Variants in DUOX2 observed in about 807,000 individuals in gnomAD.
The protein encoded by DUOX2 is dual oxidase 2.
In DUOX2, 185 loss-of-function variants were observed where a neutral mutation model predicts 183.3. The observed-to-expected ratio is 1.01, with a 90% CI of 0.90 to 1.14. DUOX2 has a LOEUF of 1.14. Ranked by LOEUF, DUOX2 falls within the 50% of genes most tolerant of loss-of-function variation. The pLI, the probability that DUOX2 is intolerant of heterozygous loss-of-function variation, is 0.00. For synonymous variants in DUOX2, 788 were observed against 812.4 expected (o/e 0.97, Z 0.51); for missense variants, 1,999 against 2,022.9 (o/e 0.99, Z 0.23).
chr15:45,095,892 C>T lies in DUOX2; in HGVS notation c.4016G>A (p.Trp1339Ter). ...GTAGATCTCCCTGAGGCGAGTGGTC[C>T]AGGGCCCCACTGCCCGGATGTGCAG... ...LSLHIRAVGP[W>*]TTRLREIYSS... The change falls in exon 30 of 34, where the codon TGG becomes TAG. Residue 1339 changes from tryptophan (W) to a stop codon, truncating the protein, a stop_gained. Transcript: ENST00000389039. LOFTEE classifies it high-confidence loss of function. The T allele has an allele frequency of 1.9e-6, 3 of 1,611,980 alleles. No homozygotes were observed. The highest frequency in any genetic ancestry group is 2.5e-6 in the Non-Finnish European group (3 of 1,179,264).
chr15:45,108,970 C>T lies in DUOX2; in HGVS notation c.1235-18G>A, dbSNP rs1001939446. On this transcript the variant is annotated intron_variant, in intron 11 of 33. Transcript: ENST00000389039. ...CCAGTAATCTGAAGAGGAGAGAAGA[C>T]TAGACTATGGGCTTTGTCCTCTCCA... The T allele has an allele frequency of 2.5e-6, 4 of 1,613,906 alleles. No homozygotes were observed. Among genetic ancestry groups the T allele is most frequent in the African/African-American group, 2.7e-5 (2 of 74,928 alleles).
chr15:45,095,289 C>T, intron 31 of DUOX2, 148 bp downstream of exon 31: 1 of 1,425,470 alleles, frequency 7.0e-7, no homozygotes, highest in South Asian at 1.2e-5. Flanking sequence ...AACCTCCCTC[C>T]AAGTTTGGCA....
At position 45,111,456 on chromosome 15, in the gene DUOX2, A is replaced by C. The variant is rs1450585945; in HGVS notation, c.643T>G (p.Ser215Ala). The C allele has an allele frequency of 3.2e-6, 5 of 1,548,880 alleles. No individual in the cohort carries two copies. The highest frequency in any genetic ancestry group is 4.3e-6 in the Non-Finnish European group (5 of 1,149,754). ...SGPDPAFPRD[S>A]QNPLLMWAAP... The stretch of plus-strand genomic sequence containing the variant: ...GCCCACATGAGCAGGGGGTTCTGCG[A>C]GTCTCGGGGGAAAGCGGGGTCGGGC... Residue 215 changes from serine (S) to alanine (A), a missense_variant, in exon 6 of 34, where the codon TCG becomes GCG. Around this residue, in one of 3 missense-constraint regions of DUOX2, gnomAD observed 356 missense variants for 356.4 expected, o/e 1.00. Transcript: ENST00000389039.
rs780926211 is a variant in DUOX2 at position 45,111,418 on chromosome 15, G to A, written c.681C>T (p.Pro227=). ...CCCGGGGCCCGTTCTGCCCGGTGGC[G>A]GGGTCGGGCGCCGCCCACATGAGCA... ...NPLLMWAAPD[P]ATGQNGPRGL... The change falls in exon 6 of 34, where the codon CCC becomes CCT. Residue 227 remains proline (P), a synonymous_variant. Coordinates refer to ENST00000389039, the MANE Select transcript of DUOX2 (RefSeq NM_001363711.2). 2.0e-6 allele frequency: 3 copies of A among 1,499,098 alleles called. No homozygotes were observed. Among genetic ancestry groups the A allele is most frequent in the Admixed American group, 2.2e-5 (1 of 45,070 alleles). 92.9% of individuals were successfully genotyped at this position (1,499,098 alleles called of 1,614,324 possible).
In DUOX2 at chr15:45,111,395, C is replaced by A. The variant is rs1894396356; in HGVS notation, c.704G>T (p.Arg235Leu). 6.9e-7 allele frequency: 1 copy of A among 1,454,814 alleles called. No individual in the cohort carries two copies. Among genetic ancestry groups the A allele is most frequent in the East Asian group, 2.5e-5 (1 of 40,142 alleles). The allele number at this position is 1,454,814 out of a possible 1,614,324, so 90.1% of individuals were successfully genotyped here. Residue 235 changes from arginine to leucine, a missense_variant, in exon 6 of 34, where the codon CGG (arginine) becomes CTG (leucine). By Grantham distance (102) the Arg-to-Leu change is moderately radical. Around this residue, in one of 3 missense-constraint regions of DUOX2, gnomAD observed 356 missense variants for 356.4 expected, o/e 1.00. Coordinates refer to ENST00000389039, the MANE Select transcript of DUOX2 (RefSeq NM_001363711.2). Reference sequence around the variant, plus strand: ...CCCTGTGGCCTCACCGTACAGCCCCCGGGGCCCGTTCTGCCCGGTGGCGGG... The same window carrying A: ...CCCTGTGGCCTCACCGTACAGCCCCAGGGGCCCGTTCTGCCCGGTGGCGGG... ...PDPATGQNGP[R>L]GLYAFGAERG...
At chr15:45,110,283 C>A (rs1894344771) in intron 9 of DUOX2, 145 bp downstream of exon 9, 6 of 762,034 alleles carry the variant, frequency 7.9e-6, no homozygotes, top group Non-Finnish European at 1.3e-5. Flanking sequence ...CACATCTTAC[C>A]CCAGGGTTCT....
At position 45,113,386 on chromosome 15, in the gene DUOX2, A is replaced by G; in HGVS notation, c.26T>C (p.Leu9Pro). The G allele has an allele frequency of 6.4e-7, 1 of 1,567,124 alleles. No individual in the cohort carries two copies. The highest frequency in any genetic ancestry group is 8.7e-7 in the Non-Finnish European group (1 of 1,154,580). MLRARPEA[L>P]MLLGALLTGS... ...AGTCAGAAGAGCTCCCAGGAGCATC[A>G]GTGCCTCTGGTCTTGCACGGAGCAT... is the stretch of plus-strand genomic sequence containing the variant. Residue 9 changes from leucine (L) to proline (P), a missense_variant, in exon 2 of 34, where the codon CTG becomes CCG. Transcript: ENST00000389039.
rs768248096 is a variant in DUOX2, at chr15:45,108,047, C to T, written c.1574G>A (p.Gly525Glu). ...DRYWFENTRNGLFSKKEIEDI... is the reference protein window; with the variant it reads ...DRYWFENTRNELFSKKEIEDI... ...AGGTGGGGGCCCAGGCAAGCCTTAC[C>T]CATTCCTGGTGTTCTCAAACCAGTA... Residue 525 changes from glycine (G) to glutamate (E), a missense_variant and splice_region_variant, in exon 13 of 34, where the codon GGG becomes GAG. Coordinates refer to ENST00000389039, the MANE Select transcript of DUOX2 (RefSeq NM_001363711.2). The T allele has an allele frequency of 6.2e-7, 1 of 1,613,856 alleles. No homozygotes were observed. Among genetic ancestry groups the T allele is most frequent in the Admixed American group, 1.7e-5 (1 of 59,978 alleles).
In DUOX2 at chr15:45,096,002, C is replaced by A; in HGVS notation, c.3906G>T (p.Trp1302Cys). 6.2e-7 allele frequency: 1 copy of A among 1,614,104 alleles called. No individual in the cohort carries two copies. The highest frequency in any genetic ancestry group is 8.5e-7 in the Non-Finnish European group (1 of 1,180,014). The change falls in exon 30 of 34, where the codon TGG becomes TGT. Residue 1302 changes from tryptophan to cysteine, a missense_variant. By Grantham distance (215) the Trp-to-Cys change is radical. Transcript: ENST00000389039. ...CCAGAGCCAGGCAGGCGATCCGCAC[C>A]CACTGTCCTGACTTGTACTCAAAGC... is the stretch of plus-strand genomic sequence containing the variant. ...PQGFEYKSGQ[W>C]VRIACLALGT...
chr15:45,099,646 C>T lies in DUOX2; in HGVS notation c.3415+16G>A, dbSNP rs920274747. On this transcript the variant is annotated intron_variant, in intron 25 of 33. Transcript: ENST00000389039. ...GGGTGCTGCAGCAAAGAGGAAGAAG[C>T]CTGGGAGTCACGTACTGGCCAGGAC... 3.1e-6 allele frequency: 5 copies of T among 1,613,960 alleles called. No homozygotes were observed. The South Asian group carries it at 5.5e-5, about 18-fold the overall frequency.
Position 45,114,165 on chromosome 15 carries a change from G to A in DUOX2, c.-207C>T. Reference sequence around the variant, plus strand: ...AGGTGTCGGCTCAGGACAGACCTGCGCCAGTGTGAGCATCTGGACCTAGGG... The same window carrying A: ...AGGTGTCGGCTCAGGACAGACCTGCACCAGTGTGAGCATCTGGACCTAGGG... On this transcript the variant is annotated 5_prime_UTR_variant, in exon 1 of 34. Coordinates refer to ENST00000389039, the MANE Select transcript of DUOX2 (RefSeq NM_001363711.2). 1 of 305,984 alleles carries A rather than the reference G, an allele frequency of 3.3e-6. No individual in the cohort carries two copies. The highest frequency in any genetic ancestry group is 3.1e-5 in the South Asian group (1 of 32,620). 19.0% of individuals were successfully genotyped at this position (305,984 alleles called of 1,614,324 possible).
rs144774906 is a variant in DUOX2, at chr15:45,101,968, G to T, written c.2676C>A (p.Asn892Lys). 6.4e-5 allele frequency: 103 copies of T among 1,614,110 alleles called. 1 individual carries two copies. Among genetic ancestry groups the T allele is most frequent in the African/African-American group, 1.3e-5 (1 of 74,942 alleles). ...CCAGCTGGGCCTTGGACAGGCAGTTGTTGGAGATCTCGATGAAGGATCTGG... is the reference window on the plus strand; with the variant it reads ...CCAGCTGGGCCTTGGACAGGCAGTTTTTGGAGATCTCGATGAAGGATCTGG... ...TMMRSFIEIS[N>K]NCLSKAQLAE... The change falls in exon 21 of 34, where the codon AAC becomes AAA. Residue 892 changes from asparagine to lysine, a missense_variant. Asn to Lys is a moderately conservative substitution (Grantham distance 94). This residue lies in a region of DUOX2 where 1,628 missense variants were observed against 1,608.6 expected (regional missense o/e 1.01). Coordinates refer to ENST00000389039, the MANE Select transcript of DUOX2 (RefSeq NM_001363711.2).
At chr15:45,103,319 C>T (rs887635759) in intron 20 of DUOX2, among the ~76,000 whole-genome samples, 3 of 152,202 alleles carry the variant, frequency 2.0e-5, no homozygotes, top group Admixed American at 2.0e-4. Flanking sequence ...GTATGAAATG[C>T]CTGCCCTGTG....
Position 45,106,533 on chromosome 15 carries a change from A to T in DUOX2, c.1940T>A (p.Val647Glu), listed in dbSNP as rs952548802. 6.2e-7 allele frequency: 1 copy of T among 1,613,282 alleles called. No homozygotes were observed. The highest frequency in any genetic ancestry group is 8.5e-7 in the Non-Finnish European group (1 of 1,179,822). The change falls in exon 16 of 34, where the codon GTG (valine) becomes GAG (glutamate). Residue 647 changes from valine (V) to glutamate (E), a missense_variant. This residue lies in a region of DUOX2 where 1,628 missense variants were observed against 1,608.6 expected (regional missense o/e 1.01). Transcript: ENST00000389039. Reference sequence around the variant, plus strand: ...TCTGCCCAGCCCCTGCTCACCTGGCACTCCATCTTTGGCTGCTTCCTTCTT... The same window carrying T: ...TCTGCCCAGCCCCTGCTCACCTGGCTCTCCATCTTTGGCTGCTTCCTTCTT... ...SVKKEAAKDGVPAMEWPGPKE... is the reference protein window; with the variant it reads ...SVKKEAAKDGEPAMEWPGPKE...
At chr15:45,101,162 G>A in intron 22 of DUOX2, 43 bp downstream of exon 22, 2 of 1,570,044 alleles carry the variant, frequency 1.3e-6, no homozygotes, top group African/African-American at 1.3e-5. Context: ...TCTCTGCAGG[G>A]GGCTCAGCCA....
chr15:45,095,494 G>A lies in DUOX2; in HGVS notation c.4182C>T (p.Ser1394=). The change falls in exon 31 of 34, where the codon TCC becomes TCT. Residue 1394 remains serine, a synonymous_variant. Transcript: ENST00000389039. ...ACTTGAAGACCAGGTCTTTGAGGAT[G>A]GAGGCAAAGGGGGTGACCCCAATGC... ...GGGIGVTPFA[S]ILKDLVFKSS... 1 of 1,614,212 alleles carries A rather than the reference G, an allele frequency of 6.2e-7. No individual in the cohort carries two copies. Among genetic ancestry groups the A allele is most frequent in the Non-Finnish European group, 8.5e-7 (1 of 1,180,034 alleles).
At chr15:45,102,446 C>T (rs984910793) in intron 20 of DUOX2, among the ~76,000 whole-genome samples, 11 of 152,296 alleles carry the variant, frequency 7.2e-5, no homozygotes, top group East Asian at 1.9e-4. Context: ...GCCAACACCC[C>T]GGGGCACAGG....
At chr15:45,097,214 C>T (rs1893926459) in intron 29 of DUOX2, 24 bp downstream of exon 29, 1 of 1,613,902 alleles carries the variant, frequency 6.2e-7, no homozygotes, top group Non-Finnish European at 8.5e-7. Flanking sequence ...TCGCTCCCGA[C>T]CCAGGTCAGG....
Position 45,110,652 on chromosome 15 carries a change from G to C in DUOX2, c.941C>G (p.Thr314Arg). The change falls in exon 8 of 34, where the codon ACA (threonine) becomes AGA (arginine). Residue 314 changes from threonine (T) to arginine (R), a missense_variant and splice_region_variant. Thr to Arg is a moderately conservative substitution (Grantham distance 71). Around this residue, in one of 3 missense-constraint regions of DUOX2, gnomAD observed 1,628 missense variants for 1,608.6 expected, o/e 1.01. Transcript: ENST00000389039. ...SFLQKTLPEY[T>R]GYRPFLDPSI... ...GTCCTCCTTCCCCGCTCCCTCACCT[G>C]TATACTCCGGGAGTGTTTTCTGCAG... The C allele has an allele frequency of 6.2e-7, 1 of 1,613,014 alleles. No individual in the cohort carries two copies. The highest frequency in any genetic ancestry group is 8.5e-7 in the Non-Finnish European group (1 of 1,179,980).
Sources: gnomAD v4.1 joint callset for allele counts (sites outside exome capture counted in the v4.1 genomes callset) on GRCh38, gnomAD v4.1.1 for gene constraint, gnomAD v4.1.1 regional missense constraint, MANE v1.5 for transcripts, NCBI Gene and HGNC (gene_info 2026-07-23, HGNC 2026-07-21) for gene names.